Variants in NXF1 observed in about 807,000 individuals in gnomAD.
The protein encoded by NXF1 is nuclear RNA export factor 1, also known as mRNA export factor TAP.
Under a neutral mutation model 92.4 loss-of-function variants are expected in NXF1, and 43 were observed. That is an observed-to-expected ratio of 0.47 (90% CI 0.36 to 0.60). The LOEUF is 0.60. Among genes scored for constraint, NXF1 ranks in the 20% least tolerant of loss-of-function variants. The probability of loss-of-function intolerance (pLI) is 0.00; values close to 1 mark genes in which losing one functional copy is unlikely to be tolerated. For synonymous variants in NXF1, 288 were observed against 292.2 expected (o/e 0.99, Z 0.15); for missense variants, 576 against 793.0 (o/e 0.73, Z 3.29).
Position 62,801,341 on chromosome 11 carries a change from C to T in NXF1, c.786G>A (p.Glu262=), listed in dbSNP as rs2084476434. The T allele has an allele frequency of 2.5e-6, 4 of 1,613,990 alleles. No individual in the cohort carries two copies. The highest frequency in any genetic ancestry group is 2.5e-6 in the Non-Finnish European group (3 of 1,179,966). Residue 262 remains glutamate (E), a synonymous_variant, in exon 8 of 21, where the codon GAG becomes GAA. Transcript: ENST00000294172. ...CCAAAGGCCTTACCTCAGGGATGTT[C>T]TCTTCAATGATCCTCAGGGTAGCTG... is the stretch of plus-strand genomic sequence containing the variant. The part of the protein sequence containing the change: ...CMAATLRIIE[E]NIPELLSLNL...
At chr11:62,800,716 C>A (rs1384629960) in intron 9 of NXF1, among the ~76,000 whole-genome samples, 1 of 151,960 alleles carries the variant, frequency 6.6e-6, no homozygotes, top group Non-Finnish European at 1.5e-5. Context: ...GATCCTCCCA[C>A]CTCAGACTCC....
In NXF1 at chr11:62,794,344, G is replaced by A; in HGVS notation, c.1674C>T (p.Ser558=). The A allele has an allele frequency of 6.2e-7, 1 of 1,614,168 alleles. No individual in the cohort carries two copies. The highest frequency in any genetic ancestry group is 2.2e-5 in the East Asian group (1 of 44,882). The change falls in exon 19 of 21, where the codon AGC becomes AGT. Residue 558 remains serine (S), a synonymous_variant. Transcript: ENST00000294172. ...FAMPAPTPSS[S]PVPTLSPEQQ... The stretch of plus-strand genomic sequence containing the variant: ...GCTCTGGAGAGAGGGTGGGCACCGG[G>A]CTGGAGGAAGGCGTGGGTGCAGGCA...
Position 62,801,395 on chromosome 11 carries a change from G to A in NXF1, c.732C>T (p.Asp244=), listed in dbSNP as rs377509078. 8 of 1,614,014 alleles carry A rather than the reference G, an allele frequency of 5.0e-6. No individual in the cohort carries two copies. The highest frequency in any genetic ancestry group is 6.8e-6 in the Non-Finnish European group (8 of 1,180,020). ...TACAGCTTCTGCGATTCAGGACAAC[G>A]TCAATGTTCTGGGCCACCAAATCTT... ...SDPDLVAQNI[D]VVLNRRSCMA... is the part of the protein sequence containing the mutation. Residue 244 remains aspartate, a synonymous_variant, in exon 8 of 21, where the codon GAC becomes GAT. Coordinates refer to ENST00000294172, the MANE Select transcript of NXF1 (RefSeq NM_006362.5).
chr11:62,796,292 T>A lies in NXF1; in HGVS notation c.1340A>T (p.Asp447Val). The change falls in exon 15 of 21, where the codon GAC becomes GTC. Residue 447 changes from aspartate (D) to valine (V), a missense_variant. Coordinates refer to ENST00000294172, the MANE Select transcript of NXF1 (RefSeq NM_006362.5). Reference protein sequence around the residue: ...KDSRNVKKLKDPTLRFRLLKH... With the variant: ...KDSRNVKKLKVPTLRFRLLKH... ...TGTTCGTATCACACACTTACTAGGG[T>A]CTTTAAGCTTCTTCACATTTCTGCT... is the stretch of plus-strand genomic sequence containing the variant. 1 of 1,614,112 alleles carries A rather than the reference T, an allele frequency of 6.2e-7. No individual in the cohort carries two copies. The highest frequency in any genetic ancestry group is 8.5e-7 in the Non-Finnish European group (1 of 1,180,012).
chr11:62,798,483 A>G (rs909452599), intron 11 of NXF1, 56 bp downstream of exon 11: 2 of 1,588,616 alleles, frequency 1.3e-6, no homozygotes, highest in Non-Finnish European at 8.5e-7. Flanking sequence ...CCTATCCAGG[A>G]ATCCTTGTGA....
Position 62,801,330 on chromosome 11 carries a change from T to C in NXF1, c.797A>G (p.Glu266Gly). 6.2e-7 allele frequency: 1 copy of C among 1,613,930 alleles called. No individual in the cohort carries two copies. Among genetic ancestry groups the C allele is most frequent in the Non-Finnish European group, 8.5e-7 (1 of 1,179,874 alleles). ...TLRIIEENIP[E>G]LLSLNLSNNR... Reference sequence around the variant, plus strand: ...CTAATACTGGGCCAAAGGCCTTACCTCAGGGATGTTCTCTTCAATGATCCT... The same window carrying C: ...CTAATACTGGGCCAAAGGCCTTACCCCAGGGATGTTCTCTTCAATGATCCT... Residue 266 changes from glutamate to glycine, a missense_variant and splice_region_variant, in exon 8 of 21, where the codon GAG becomes GGG. Coordinates refer to ENST00000294172, the MANE Select transcript of NXF1 (RefSeq NM_006362.5).
chr11:62,795,346 C>T (rs150738203), intron 17 of NXF1: 214 of 219,600 alleles, frequency 9.7e-4, no homozygotes, highest in African/African-American at 4.7e-3. Context: ...CGTGGTAGTG[C>T]GCACCTGTAG....
rs781740092 is a variant in NXF1 at position 62,797,334 on chromosome 11, G to A, written c.1106C>T (p.Thr369Met). ...GCTTCCTACCTTGCAGGGCGGTAAC[G>A]TCGTGGGGGCTTCAACATCAAAGGC... Reference protein sequence around the residue: ...PIAFDVEAPTTLPPCKGSYFG... With the variant: ...PIAFDVEAPTMLPPCKGSYFG... Residue 369 changes from threonine to methionine, a missense_variant, in exon 12 of 21, where the codon ACG becomes ATG. Around this residue, in one of 2 missense-constraint regions of NXF1, gnomAD observed 425 missense variants for 635.2 expected, o/e 0.67. Transcript: ENST00000294172. 20 of 1,613,994 alleles carry A rather than the reference G, an allele frequency of 1.2e-5. No individual in the cohort carries two copies. Among genetic ancestry groups the A allele is most frequent in the South Asian group, 1.1e-4 (10 of 91,090 alleles).
intron 10 of NXF1, 78 bp from the exon 11 acceptor site, chr11:62,798,653 A>T: frequency 6.2e-7 from 1 of 1,600,060 alleles, no homozygotes; most frequent in Non-Finnish European, 8.5e-7. Flanking sequence ...CAAATATACC[A>T]AACCCGAGGG....
rs933569012 is a variant in NXF1 at position 62,792,308 on chromosome 11, T to C, written c.*168A>G. On this transcript the variant is annotated 3_prime_UTR_variant, in exon 21 of 21. Transcript: ENST00000294172. ...CTGGCACCAGTGAGGCTCAATCTTC[T>C]GAAGTCTTCCAGAAGGCAGGCGAGG... 3 of 846,294 alleles carry C rather than the reference T, an allele frequency of 3.5e-6. No individual in the cohort carries two copies. In the African/African-American group the frequency reaches 5.0e-5, roughly 14 times the overall value. 52.4% of individuals were successfully genotyped at this position (846,294 alleles called of 1,614,324 possible). A position where few individuals can be genotyped will look rare whatever the true frequency, so the allele number is the denominator to read the frequency against.
chr11:62,792,811 A>G (rs1451581392), intron 19 of NXF1, 110 bp from the exon 20 acceptor site: 1 of 828,886 alleles, frequency 1.2e-6, no homozygotes, highest in Non-Finnish European at 2.0e-6. Flanking sequence ...ACATTCTTAT[A>G]CATCCTTGCA....
rs765970936 is a variant in NXF1 at position 62,796,093 on chromosome 11, G to A, written c.1434C>T (p.Ser478=). The A allele has an allele frequency of 6.2e-7, 1 of 1,613,778 alleles. No individual in the cohort carries two copies. The highest frequency in any genetic ancestry group is 1.1e-5 in the South Asian group (1 of 91,076). The change falls in exon 16 of 21, where the codon TCC becomes TCT. Residue 478 remains serine, a synonymous_variant. Coordinates refer to ENST00000294172, the MANE Select transcript of NXF1 (RefSeq NM_006362.5). The part of the protein sequence containing the change: ...ELPKTQHDVN[S]FVVDISAQTS... The stretch of plus-strand genomic sequence containing the variant: ...TCTGGGCGCTTATGTCTACCACGAA[G>A]GAATTGACGTCGTGCTGGGTTTTGG...
rs779918280 is a variant in NXF1, at chr11:62,801,975, G to A, written c.525C>T (p.Val175=). The A allele has an allele frequency of 6.2e-7, 1 of 1,614,208 alleles. No individual in the cohort carries two copies. The highest frequency in any genetic ancestry group is 8.5e-7 in the Non-Finnish European group (1 of 1,180,020). The stretch of plus-strand genomic sequence containing the variant: ...TCTCCCGATCCAAAATCTTATAGTT[G>A]ACAGCCTTCAATGCAGAGGCAGTAC... ...DASTASALKA[V]NYKILDRENR... is the part of the protein sequence containing the mutation. Residue 175 remains valine, a synonymous_variant, in exon 5 of 21, where the codon GTC becomes GTT. Transcript: ENST00000294172.
Position 62,805,329 on chromosome 11 carries a change from C to A in NXF1, c.28G>T (p.Glu10Ter). 6.2e-7 allele frequency: 1 copy of A among 1,610,812 alleles called. No individual in the cohort carries two copies. The highest frequency in any genetic ancestry group is 8.5e-7 in the Non-Finnish European group (1 of 1,178,634). ...TCCCGACCCGAAGACCAGCACTTAC[C>A]GCTGTACGACTTCCCCTCGTCCGCC... is the stretch of plus-strand genomic sequence containing the variant. MADEGKSYS[E>*]HDDERVNFPQ... Residue 10 changes from glutamate (E) to a stop codon, truncating the protein, a stop_gained and splice_region_variant, in exon 1 of 21, where the codon GAA (glutamate) becomes TAA (stop). Coordinates refer to ENST00000294172, the MANE Select transcript of NXF1 (RefSeq NM_006362.5). LOFTEE classifies it high-confidence loss of function.
At chr11:62,797,689 G>C (rs139996469) in intron 11 of NXF1, among the ~76,000 whole-genome samples, 196 of 152,212 alleles carry the variant, frequency 1.3e-3, no homozygotes, top group African/African-American at 4.6e-3. Context: ...CTGGATGACA[G>C]AGCCAGACCC....
intron 10 of NXF1, chr11:62,799,291 G>A: frequency 1.0e-6 from 1 of 985,690 alleles, no homozygotes; most frequent in Non-Finnish European, 1.2e-6. Flanking sequence ...GTGGTCCAAG[G>A]TAGAAATGAG....
At chr11:62,792,748 T>C in intron 19 of NXF1, 47 bp from the exon 20 acceptor site, 1 of 1,600,696 alleles carries the variant, frequency 6.2e-7, no homozygotes, top group Non-Finnish European at 8.6e-7. Flanking sequence ...GACTCGTAAA[T>C]GCCAGCTGAA....
At chr11:62,800,137 A>T in intron 10 of NXF1, 1 of 1,369,312 alleles carries the variant, frequency 7.3e-7, no homozygotes, top group Non-Finnish European at 9.4e-7. Context: ...GTTCAGGAAG[A>T]AAGAGAAAGG....
Position 62,792,181 on chromosome 11 carries a change from CTCTT to C in NXF1, c.*291_*294del. The C allele has an allele frequency of 3.1e-6, 2 of 642,484 alleles. No homozygotes were observed. Among genetic ancestry groups the C allele is most frequent in the Non-Finnish European group, 5.3e-6 (2 of 375,484 alleles). 39.8% of individuals were successfully genotyped at this position (642,484 alleles called of 1,614,324 possible). ...GTGCAGAACACGAAATACAACATCACTCTTTATATTAAAAAGTAAGGAGGTCCTG... is the reference window on the plus strand; with the variant it reads ...GTGCAGAACACGAAATACAACATCACTATATTAAAAAGTAAGGAGGTCCTG... On this transcript the variant is annotated 3_prime_UTR_variant, in exon 21 of 21. Coordinates refer to ENST00000294172, the MANE Select transcript of NXF1 (RefSeq NM_006362.5).
Sources: gnomAD v4.1 joint callset for allele counts (sites outside exome capture counted in the v4.1 genomes callset) on GRCh38, gnomAD v4.1.1 for gene constraint, gnomAD v4.1.1 regional missense constraint, MANE v1.5 for transcripts, NCBI Gene and HGNC (gene_info 2026-07-23, HGNC 2026-07-21) for gene names.